PLBD1: variants seen among roughly 807,000 people sequenced by gnomAD.
PLBD1 encodes phospholipase B domain containing 1, also known as lysosomal leucine aminopeptidase.
In PLBD1, 60 loss-of-function variants were observed where a neutral mutation model predicts 63.0. That is an observed-to-expected ratio of 0.95 (90% CI 0.77 to 1.18). PLBD1 has a LOEUF of 1.18. PLBD1 is among the 50% of genes most tolerant of loss of function. The pLI is 0.00. For missense variants in PLBD1, 598 were observed against 677.9 expected, an observed-to-expected ratio of 0.88 and a Z score of 1.31; for synonymous variants, 262 against 248.0, an observed-to-expected ratio of 1.06 and a Z score of -0.53.
intron 5 of PLBD1, chr12:14,536,025 G>T: frequency 2.1e-6 from 1 of 480,938 alleles, no homozygotes; most frequent in Non-Finnish European, 3.6e-6. Context: ...GCTGGGCATG[G>T]TGGCTTACGC....
intron 6 of PLBD1, among the ~76,000 whole-genome samples, chr12:14,518,884 C>T (rs1945354887): frequency 6.6e-6 from 1 of 151,820 alleles, no homozygotes; most frequent in Non-Finnish European, 1.5e-5. Context: ...AAAAGGAGCT[C>T]TTGTGCTACT....
chr12:14,547,974 A>G (rs1345978542), intron 2 of PLBD1, among the ~76,000 whole-genome samples: 1 of 152,056 alleles, frequency 6.6e-6, no homozygotes, highest in Non-Finnish European at 1.5e-5. Context: ...AAGTTTTCAT[A>G]TAAATAATAT....
At chr12:14,552,145 CAAGTA>C (rs914796753) in intron 2 of PLBD1, among the ~76,000 whole-genome samples, 5 of 152,032 alleles carry the variant, frequency 3.3e-5, no homozygotes, top group Admixed American at 2.6e-4. Context: ...AGTAACAGCC[CAAGTA>C]AAGTTTGGTT....
intron 1 of PLBD1, among the ~76,000 whole-genome samples, chr12:14,562,459 CAAAAAAA>C (rs58838197): frequency 9.8e-6 from 1 of 102,028 alleles, no homozygotes; most frequent in African/African-American, 3.8e-5. Context: ...GACTCCCTCT[CAAAAAAA>C]AAAAAAAAAA....
chr12:14,565,471 G>GT (rs1158768868), intron 1 of PLBD1, among the ~76,000 whole-genome samples: 1 of 144,612 alleles, frequency 6.9e-6, no homozygotes, highest in Non-Finnish European at 1.5e-5. Flanking sequence ...GGAAATAATA[G>GT]TAAAAAAAAA....
intron 1 of PLBD1, among the ~76,000 whole-genome samples, chr12:14,565,415 G>A (rs1036975918): frequency 6.6e-6 from 1 of 151,164 alleles, no homozygotes; most frequent in Non-Finnish European, 1.5e-5. Context: ...GCAGTGAGCC[G>A]AGATCACGCC....
At chr12:14,523,796 C>T (rs935749761) in intron 6 of PLBD1, among the ~76,000 whole-genome samples, 1 of 152,034 alleles carries the variant, frequency 6.6e-6, no homozygotes, top group Non-Finnish European at 1.5e-5. Flanking sequence ...AACTAGACCC[C>T]TTGCTGGGTA....
At chr12:14,566,731 C>G (rs1303529797) in intron 1 of PLBD1, among the ~76,000 whole-genome samples, 1 of 150,562 alleles carries the variant, frequency 6.6e-6, no homozygotes, top group Non-Finnish European at 1.5e-5. Flanking sequence ...CGAATTACTT[C>G]TGATCAATCT....
chr12:14,534,903 G>T (rs1444651390), intron 6 of PLBD1, among the ~76,000 whole-genome samples: 1 of 152,130 alleles, frequency 6.6e-6, no homozygotes, highest in Non-Finnish European at 1.5e-5. Context: ...TTTAGGCCCA[G>T]GAATTTGCAG....
intron 10 of PLBD1, among the ~76,000 whole-genome samples, chr12:14,504,857 T>TAAAG (rs1309088688): frequency 3.9e-5 from 6 of 152,212 alleles, no homozygotes; most frequent in African/African-American, 1.4e-4. Context: ...ATTACATTTT[T>TAAAG]AAAGAATATC....
chr12:14,521,117 T>A (rs1489901812), intron 6 of PLBD1, among the ~76,000 whole-genome samples: 1 of 152,186 alleles, frequency 6.6e-6, no homozygotes, highest in African/African-American at 2.4e-5. Context: ...GAGCAGCTAC[T>A]GTTTCCTATC....
At chr12:14,509,557 C>T (rs974602687) in intron 8 of PLBD1, among the ~76,000 whole-genome samples, 8 of 152,186 alleles carry the variant, frequency 5.3e-5, no homozygotes, top group Admixed American at 4.6e-4. Context: ...ATGAAACTCC[C>T]ACCTTTTGTT....
intron 9 of PLBD1, among the ~76,000 whole-genome samples, 189 bp downstream of exon 9, chr12:14,506,744 C>G (rs183527965): frequency 1.5e-4 from 23 of 151,078 alleles, no homozygotes; most frequent in Admixed American, 5.3e-4. Context: ...TGTATAGACT[C>G]TTCTCTTTCA....
chr12:14,536,338 G>A (rs1407251158), intron 5 of PLBD1, among the ~76,000 whole-genome samples: 1 of 152,116 alleles, frequency 6.6e-6, no homozygotes, highest in Non-Finnish European at 1.5e-5. Context: ...CTAGAAGGTG[G>A]GAGTGGCAGG....
At chr12:14,565,359 G>A (rs979985381) in intron 1 of PLBD1, among the ~76,000 whole-genome samples, 3 of 151,786 alleles carry the variant, frequency 2.0e-5, no homozygotes, top group African/African-American at 4.8e-5. Context: ...CCAGCTACTC[G>A]GGAGGCTGAG....
chr12:14,531,285 A>C (rs958833136), intron 6 of PLBD1: 3 of 152,298 alleles, frequency 2.0e-5, no homozygotes, highest in Admixed American at 2.0e-4. Context: ...TATGAGAAAA[A>C]GGTAGCAATA....
At position 14,511,330 on chromosome 12, in the gene PLBD1, G is replaced by A. The variant is rs1438664390; in HGVS notation, c.1116C>T (p.Gly372=). ...KVKLNHSLDK[G]TLYIVEQIPT... is the part of the protein sequence containing the mutation. Reference sequence around the variant, plus strand: ...GAATTTGCTCCACAATGTACAGAGTGCCTTTGTCAAGACTGTGGTTCAGCT... The same window carrying A: ...GAATTTGCTCCACAATGTACAGAGTACCTTTGTCAAGACTGTGGTTCAGCT... Residue 372 remains glycine, a synonymous_variant, in exon 8 of 11, where the codon GGC becomes GGT. Coordinates refer to ENST00000240617, the MANE Select transcript of PLBD1 (RefSeq NM_024829.6). 4 of 1,611,956 alleles carry A rather than the reference G, an allele frequency of 2.5e-6. No homozygotes were observed. In the African/African-American group the frequency reaches 4.0e-5, roughly 16 times the overall value.
intron 8 of PLBD1, among the ~76,000 whole-genome samples, chr12:14,507,940 A>G (rs1945268674): frequency 6.6e-6 from 1 of 152,142 alleles, no homozygotes; most frequent in Non-Finnish European, 1.5e-5. Flanking sequence ...GAATGTCTCC[A>G]CCATGCAGGG....
intron 6 of PLBD1, among the ~76,000 whole-genome samples, chr12:14,520,595 A>G (rs955695325): frequency 6.6e-6 from 1 of 152,250 alleles, no homozygotes; most frequent in Admixed American, 6.5e-5. Context: ...TAGAGTATCC[A>G]AAGGAGAACA....
Sources: gnomAD v4.1 joint callset for allele counts (sites outside exome capture counted in the v4.1 genomes callset) on GRCh38, gnomAD v4.1.1 for gene constraint, MANE v1.5 for transcripts, NCBI Gene and HGNC (gene_info 2026-07-23, HGNC 2026-07-21) for gene names.